TRIM44: variants seen among roughly 807,000 people sequenced by gnomAD.
TRIM44 encodes the protein tripartite motif containing 44, also known as tripartite motif-containing protein 44.
In TRIM44, 13 loss-of-function variants were observed where a neutral mutation model predicts 37.4. The ratio of observed to expected loss-of-function variants is 0.35; its 90% CI spans 0.23 to 0.55. The LOEUF (loss-of-function observed/expected upper bound fraction) is 0.55. TRIM44 is among the 20% of genes least tolerant of loss of function. The pLI is 0.89. For missense variants in TRIM44, 426 were observed against 437.2 expected, an observed-to-expected ratio of 0.97 and a Z score of 0.23; for synonymous variants, 175 against 157.2, an observed-to-expected ratio of 1.11 and a Z score of -0.85.
chr11:35,775,604 G>T (rs901580057), intron 4 of TRIM44, among the ~76,000 whole-genome samples: 1 of 152,158 alleles, frequency 6.6e-6, no homozygotes, highest in African/African-American at 2.4e-5. Flanking sequence ...TTGGCTGTGG[G>T]TTTGTGATAA....
intron 3 of TRIM44, among the ~76,000 whole-genome samples, chr11:35,731,580 C>G (rs1265639325): frequency 1.3e-5 from 2 of 152,078 alleles, no homozygotes; most frequent in East Asian, 3.9e-4. Context: ...CTTCATAAAA[C>G]AAACTGAAAA....
chr11:35,732,794 A>G (rs898265033), intron 3 of TRIM44, among the ~76,000 whole-genome samples: 1 of 152,226 alleles, frequency 6.6e-6, no homozygotes, highest in African/African-American at 2.4e-5. Context: ...CATCACATGC[A>G]TATCTTTTAC....
Position 35,742,049 on chromosome 11 carries a change from G to A in TRIM44, c.1007+6604G>A, listed in dbSNP as rs1247959722. 2.0e-5 allele frequency among the ~76,000 whole-genome samples: 3 copies of A among 151,936 alleles called. No homozygotes were observed. In the East Asian group the frequency reaches 5.8e-4, roughly 29 times the overall value. ...TGGCTTAAGTGATCCTCCCAACTCAGCCTCCCACCCCCATCAGCGAGTAGC... is the reference window on the plus strand; with the variant it reads ...TGGCTTAAGTGATCCTCCCAACTCAACCTCCCACCCCCATCAGCGAGTAGC... On this transcript the variant is annotated intron_variant, in intron 4 of 4. Coordinates refer to ENST00000299413, the MANE Select transcript of TRIM44 (RefSeq NM_017583.6).
At chr11:35,797,582 G>T (rs1355940145) in intron 4 of TRIM44, among the ~76,000 whole-genome samples, 1 of 152,176 alleles carries the variant, frequency 6.6e-6, no homozygotes. Context: ...CCCTTGATAT[G>T]ATGTAATGAT....
Position 35,814,634 on chromosome 11 carries a change from T to C in TRIM44, c.*8249T>C, listed in dbSNP as rs1853561795. 6.6e-6 allele frequency: 1 copy of C among 152,180 alleles called. No individual in the cohort carries two copies. Among genetic ancestry groups the C allele is most frequent in the African/African-American group, 2.4e-5 (1 of 41,440 alleles). The allele number at this position is 152,180 out of a possible 1,614,324, so 9.4% of individuals were successfully genotyped here. A position where few individuals can be genotyped will look rare whatever the true frequency, so the allele number is the denominator to read the frequency against. ...AAAAACATGTGCCACGCTGATTATATATAGAGATGGTCTAAATCAGCTGCA... is the reference window on the plus strand; with the variant it reads ...AAAAACATGTGCCACGCTGATTATACATAGAGATGGTCTAAATCAGCTGCA... On this transcript the variant is annotated 3_prime_UTR_variant, in exon 5 of 5. Transcript: ENST00000299413.
chr11:35,732,134 T>C (rs1300260529), intron 3 of TRIM44, among the ~76,000 whole-genome samples: 1 of 152,216 alleles, frequency 6.6e-6, no homozygotes, highest in African/African-American at 2.4e-5. Context: ...TGTGGATGCA[T>C]TCAACTTAGT....
At chr11:35,712,970 T>A (rs1306654511) in intron 2 of TRIM44, among the ~76,000 whole-genome samples, 1 of 152,160 alleles carries the variant, frequency 6.6e-6, no homozygotes, top group African/African-American at 2.4e-5. Context: ...AAAATCAGAT[T>A]TGCTCAGGGA....
At chr11:35,722,249 G>T (rs867444969) in intron 2 of TRIM44, among the ~76,000 whole-genome samples, 4 of 152,194 alleles carry the variant, frequency 2.6e-5, no homozygotes, top group Non-Finnish European at 4.4e-5. Context: ...ATTTCATGCA[G>T]TCTACAATTT....
In TRIM44 at chr11:35,663,328, G is replaced by T. The variant is rs375647261; in HGVS notation, c.217G>T (p.Gly73Ter). 5 of 1,614,128 alleles carry T rather than the reference G, an allele frequency of 3.1e-6. No homozygotes were observed. Among genetic ancestry groups the T allele is most frequent in the Non-Finnish European group, 4.2e-6 (5 of 1,180,008 alleles). The change falls in exon 1 of 5, where the codon GGA (glycine) becomes TGA (stop). Residue 73 changes from glycine (G) to a stop codon, truncating the protein, a stop_gained. Coordinates refer to ENST00000299413, the MANE Select transcript of TRIM44 (RefSeq NM_017583.6). LOFTEE classifies it high-confidence loss of function. ...CCAGGCCTGGACCCCGCCAGCTGAC[G>T]GAGAGGGGGCGGGGAAGGAAGAAGC... ...GSQAWTPPAD[G>*]EGAGKEEAEV...
chr11:35,767,718 T>C (rs1337769364), intron 4 of TRIM44, among the ~76,000 whole-genome samples: 2 of 152,164 alleles, frequency 1.3e-5, no homozygotes, highest in Non-Finnish European at 2.9e-5. Flanking sequence ...AATTCAAAAA[T>C]CAAATCCCAC....
intron 2 of TRIM44, among the ~76,000 whole-genome samples, chr11:35,706,314 G>T (rs1477828750): frequency 1.3e-5 from 2 of 151,932 alleles, no homozygotes; most frequent in Non-Finnish European, 2.9e-5. Context: ...TGGATTCACA[G>T]CCGAATTCTA....
rs1361310042 is a variant in TRIM44, at chr11:35,679,799, A to G, written c.670-5460A>G. ...TAAAAGCCAAAGAAAATAGTTCTGT[A>G]GGCCTCAGGCTGTGGATATATAGCT... On this transcript the variant is annotated intron_variant, in intron 1 of 4. Transcript: ENST00000299413. Among the ~76,000 whole-genome samples the G allele has an allele frequency of 1.3e-5, 2 of 152,204 alleles. 1 individual carries two copies. Among genetic ancestry groups the G allele is most frequent in the African/African-American group, 4.8e-5 (2 of 41,432 alleles).
intron 2 of TRIM44, among the ~76,000 whole-genome samples, chr11:35,685,813 G>A (rs911722314): frequency 3.3e-5 from 5 of 152,114 alleles, no homozygotes; most frequent in Non-Finnish European, 5.9e-5. Flanking sequence ...ACAGGCCTGC[G>A]CCACCATGCC....
chr11:35,792,111 A>ACACACACACACACACT (rs796092540), intron 4 of TRIM44, among the ~76,000 whole-genome samples: 392 of 114,306 alleles, frequency 3.4e-3, no homozygotes, highest in African/African-American at 8.0e-3. Context: ...ACACACACAC[A>ACACACACACACACACT]CTCTCTCTCA....
chr11:35,670,256 GA>G (rs1180910069), intron 1 of TRIM44, among the ~76,000 whole-genome samples: 1 of 152,208 alleles, frequency 6.6e-6, no homozygotes, highest in Non-Finnish European at 1.5e-5. Context: ...CTCAGATCAA[GA>G]ACTGCTTCGT....
chr11:35,734,680 A>G (rs1443114960), intron 3 of TRIM44, among the ~76,000 whole-genome samples: 3 of 152,226 alleles, frequency 2.0e-5, no homozygotes, highest in Admixed American at 6.5e-5. Context: ...AGGAAGCTCA[A>G]AGGAATCTGC....
chr11:35,706,266 A>G (rs1851879779), intron 2 of TRIM44, among the ~76,000 whole-genome samples: 1 of 150,064 alleles, frequency 6.7e-6, no homozygotes, highest in South Asian at 2.1e-4. Flanking sequence ...TGTGGCAACA[A>G]TCAATAGCTT....
At chr11:35,713,851 A>T (rs921629431) in intron 2 of TRIM44, among the ~76,000 whole-genome samples, 2 of 152,162 alleles carry the variant, frequency 1.3e-5, no homozygotes, top group African/African-American at 4.8e-5. Flanking sequence ...GACTTTGTGT[A>T]GGTACAGAGG....
chr11:35,696,935 T>C (rs1024569627), intron 2 of TRIM44, among the ~76,000 whole-genome samples: 3 of 152,144 alleles, frequency 2.0e-5, no homozygotes, highest in Non-Finnish European at 2.9e-5. Flanking sequence ...CATGAAAATC[T>C]TGTTCAAGAG....
Sources: allele counts gnomAD v4.1 joint callset (sites outside exome capture counted in the v4.1 genomes callset), GRCh38; gene constraint gnomAD v4.1.1; transcripts MANE v1.5; gene names NCBI Gene and HGNC (gene_info 2026-07-23, HGNC 2026-07-21).